GAS2L1: variants seen among roughly 807,000 people sequenced by gnomAD.
GAS2L1 encodes GAS2-like protein 1.
GAS2L1 carries 26 observed loss-of-function variants against 44.0 expected under a neutral mutation model. The observed-to-expected ratio is 0.59, with a 90% CI of 0.43 to 0.82. The LOEUF is 0.82. GAS2L1 is among the 40% of genes least tolerant of loss of function. GAS2L1 has a pLI of 0.00. For synonymous variants in GAS2L1, 426 were observed against 415.9 expected (o/e 1.02, Z -0.30); for missense variants, 1,006 against 983.0 (o/e 1.02, Z -0.31).
At chr22:29,310,046 G>A (rs1199970794) in intron 1 of GAS2L1, among the ~76,000 whole-genome samples, 1 of 152,048 alleles carries the variant, frequency 6.6e-6, no homozygotes, top group African/African-American at 2.4e-5. Flanking sequence ...TGGAACTCCT[G>A]AGCCTGACCA....
rs1408795689 is a variant in GAS2L1, at chr22:29,310,956, T to G, written c.968T>G (p.Val323Gly). The change falls in exon 4 of 5, where the codon GTT becomes GGT. Residue 323 changes from valine (V) to glycine (G), a missense_variant. Transcript: ENST00000618518. ...GGCTCCCGGCCTGAGATGACTCCCG[T>G]TAGCTTACGAAGCACAAAGGAGGGG... 6.8e-6 allele frequency: 11 copies of G among 1,613,498 alleles called. No individual in the cohort carries two copies. The Middle Eastern group carries it at 4.9e-4, about 72-fold the overall frequency.
At chr22:29,311,394 T>C in intron 4 of GAS2L1, 68 bp from the exon 6 acceptor site, 1 of 662,946 alleles carries the variant, frequency 1.5e-6, no homozygotes, top group South Asian at 1.9e-5. Flanking sequence ...GCTGTTCCTC[T>C]CCCTGCCTGT....
exon 1 of GAS2L1, chr22:29,307,109 G>T (rs1404293677): frequency 6.6e-6 from 1 of 151,858 alleles, no homozygotes; most frequent in Non-Finnish European, 1.5e-5. Flanking sequence ...GCCCGGCTCC[G>T]GCCCCCGCTG....
intron 1 of GAS2L1, 113 bp from the exon 3 acceptor site, chr22:29,310,326 C>T: frequency 3.0e-6 from 2 of 677,518 alleles, no homozygotes; most frequent in Non-Finnish European, 5.4e-6. Context: ...GGCAACACTG[C>T]CTCCATCCAC....
At chr22:29,312,513 G>A in exon 5 of GAS2L1, 1 of 1,488,816 alleles carries the variant, frequency 6.7e-7, no homozygotes, top group Non-Finnish European at 9.0e-7. Flanking sequence ...CAGCTCAGCT[G>A]TCCCCAGACC....
chr22:29,312,478 A>G, exon 5 of GAS2L1: 1 of 1,510,364 alleles, frequency 6.6e-7, no homozygotes. Context: ...CCGAGGGCTG[A>G]GCCAGATTCC....
chr22:29,312,296 A>G (rs1370098255), exon 5 of GAS2L1: 11 of 1,608,614 alleles, frequency 6.8e-6, no homozygotes, highest in Non-Finnish European at 8.5e-6. Flanking sequence ...GGGGGCCACT[A>G]GATGCACCTG....
exon 1 of GAS2L1, chr22:29,308,279 G>C: frequency 6.2e-7 from 1 of 1,608,062 alleles, no homozygotes; most frequent in Non-Finnish European, 8.5e-7. Context: ...GGCTGGCCAC[G>C]GGCACGACCC....
chr22:29,312,086 T>TGACCCAGCTCGGGCCCCC, exon 5 of GAS2L1: 1 of 1,612,912 alleles, frequency 6.2e-7, no homozygotes, highest in Non-Finnish European at 8.5e-7. Flanking sequence ...GACCAGCCCC[T>TGACCCAGCTCGGGCCCCC]GACCCAGCTC....
chr22:29,311,114 G>C, intron 4 of GAS2L1, 116 bp downstream of exon 5: 1 of 1,012,184 alleles, frequency 9.9e-7, no homozygotes, highest in Middle Eastern at 3.3e-4. Context: ...AAAAGTTCCC[G>C]TGGGTGGGGG....
exon 5 of GAS2L1, chr22:29,311,664 T>A: frequency 1.3e-6 from 2 of 1,526,600 alleles, no homozygotes; most frequent in Non-Finnish European, 1.8e-6. Context: ...GCGCAGCCAG[T>A]CCCGAGACCG....
chr22:29,307,820 CCA>C (rs1221732972), exon 1 of GAS2L1: 1 of 292,286 alleles, frequency 3.4e-6, no homozygotes, highest in Non-Finnish European at 6.3e-6. Flanking sequence ...CAGCCAAGCC[CCA>C]GTTTCCACCG....
exon 5 of GAS2L1, chr22:29,312,340 C>G: frequency 1.2e-6 from 2 of 1,604,940 alleles, no homozygotes; most frequent in South Asian, 2.2e-5. Context: ...CCCTCGAGGA[C>G]CTGGGCACGG....
At chr22:29,312,348 C>G in exon 5 of GAS2L1, 1 of 1,604,420 alleles carries the variant, frequency 6.2e-7, no homozygotes, top group East Asian at 2.2e-5. Flanking sequence ...GACCTGGGCA[C>G]GGGGTCGGAT....
intron 4 of GAS2L1, 26 bp from the exon 6 acceptor site, chr22:29,311,434 ATC>A (rs1461202670): frequency 2.3e-6 from 2 of 865,740 alleles, no homozygotes; most frequent in Non-Finnish European, 3.5e-6. Context: ...GTGGTACCCC[ATC>A]TGTCTCTATT....
At chr22:29,306,968 G>A (rs2061354870), upstream of GAS2L1, 1 of 152,238 alleles carries the variant, frequency 6.6e-6, no homozygotes, top group African/African-American at 2.4e-5. Context: ...TTAAGAGCGC[G>A]CGGCCCCGCC....
At chr22:29,306,720 G>T (rs1183214635), upstream of GAS2L1, 2 of 152,334 alleles carry the variant, frequency 1.3e-5, no homozygotes, top group Admixed American at 1.3e-4. Context: ...CACCGTCTGG[G>T]GAGGGGGGCG....
exon 5 of GAS2L1, chr22:29,311,659 G>A: frequency 1.3e-6 from 2 of 1,530,206 alleles, no homozygotes; most frequent in South Asian, 1.2e-5. Flanking sequence ...GCCCTGCGCA[G>A]CCAGTCCCGA....
Position 29,311,719 on chromosome 22 carries a change from C to T in GAS2L1, c.1268C>T (p.Ala423Val), listed in dbSNP as rs766154539. Residue 423 changes from alanine to valine, a missense_variant, in exon 5 of 5, where the codon GCC becomes GTC. Ala to Val is a moderately conservative substitution (Grantham distance 64). Coordinates refer to ENST00000618518, the Ensembl canonical transcript of GAS2L1. ...CGGGGGGCCCCAGGAGGCAGGGGAG[C>T]CCAGCTGTCGGTCCCCAGCCCTGCC... 88 of 1,531,160 alleles carry T rather than the reference C, an allele frequency of 5.7e-5. 1 individual carries two copies. In the South Asian group the frequency reaches 9.4e-4, roughly 16 times the overall value. The allele number at this position is 1,531,160 out of a possible 1,614,324, so 94.8% of individuals were successfully genotyped here.
Sources: gnomAD v4.1 joint callset for allele counts (sites outside exome capture counted in the v4.1 genomes callset) on GRCh38, gnomAD v4.1.1 for gene constraint, MANE v1.5 for transcripts, NCBI Gene and HGNC (gene_info 2026-07-23, HGNC 2026-07-21) for gene names.